The following RXRG variants were observed in gnomAD, a reference collection of about 807,000 sequenced individuals.
The protein encoded by RXRG is retinoid X receptor gamma, also known as retinoic acid receptor RXR-gamma.
RXRG carries 19 observed loss-of-function variants against 49.2 expected under a neutral mutation model. The observed-to-expected ratio is 0.39, with a 90% CI of 0.27 to 0.57. RXRG has a LOEUF of 0.57. Ranked by LOEUF, RXRG falls within the 20% of genes least tolerant of loss-of-function variation. The pLI, the probability that RXRG is intolerant of heterozygous loss-of-function variation, is 0.64. For missense variants in RXRG, 452 were observed against 592.5 expected, an observed-to-expected ratio of 0.76 and a Z score of 2.46; for synonymous variants, 224 against 216.6, an observed-to-expected ratio of 1.03 and a Z score of -0.30.
chr1:165,422,992 C>T (rs767451126), intron 2 of RXRG, among the ~76,000 whole-genome samples: 3 of 152,232 alleles, frequency 2.0e-5, no homozygotes, highest in African/African-American at 4.8e-5. Context: ...GCCAGGAGCC[C>T]CTGCAGGAGC....
At chr1:165,423,447 A>C (rs1345753301) in intron 2 of RXRG, among the ~76,000 whole-genome samples, 2 of 152,210 alleles carry the variant, frequency 1.3e-5, no homozygotes, top group Admixed American at 6.5e-5. Flanking sequence ...CCATCCTTGA[A>C]CATTGAGTCC....
intron 1 of RXRG, among the ~76,000 whole-genome samples, chr1:165,431,206 G>A (rs1471509930): frequency 4.6e-5 from 7 of 152,142 alleles, no homozygotes; most frequent in Non-Finnish European, 1.0e-4. Flanking sequence ...TTGTTATCAA[G>A]GACAGCAAAG....
Position 165,420,652 on chromosome 1 carries a change from G to T in RXRG, c.298-638C>A, listed in dbSNP as rs567795796. 5.9e-5 allele frequency among the ~76,000 whole-genome samples: 9 copies of T among 152,304 alleles called. No individual in the cohort carries two copies. In the South Asian group the frequency reaches 1.7e-3, roughly 28 times the overall value. On this transcript the variant is annotated intron_variant, in intron 2 of 9. Transcript: ENST00000359842. ...TGCTAACTCGAATACATCCCTTATT[G>T]TAAGTTAATATCAGCTCCCCATCAC... is the stretch of plus-strand genomic sequence containing the variant.
intron 9 of RXRG, among the ~76,000 whole-genome samples, chr1:165,403,066 C>T (rs1557907673): frequency 1.3e-5 from 2 of 152,194 alleles, no homozygotes; most frequent in Non-Finnish European, 2.9e-5. Flanking sequence ...TACACACCCT[C>T]ACACACATTT....
chr1:165,407,597 C>T (rs1657795693), intron 8 of RXRG, among the ~76,000 whole-genome samples: 1 of 152,208 alleles, frequency 6.6e-6, no homozygotes, highest in Non-Finnish European at 1.5e-5. Flanking sequence ...GATCTCACCC[C>T]AGTGTCACAG....
chr1:165,416,924 A>T, intron 4 of RXRG, 117 bp downstream of exon 4: 1 of 978,348 alleles, frequency 1.0e-6, no homozygotes, highest in Non-Finnish European at 1.5e-6. Flanking sequence ...AAGAAATTTG[A>T]AGTGGAGATT....
intron 6 of RXRG, among the ~76,000 whole-genome samples, chr1:165,410,480 T>G (rs1377382304): frequency 6.6e-6 from 1 of 152,212 alleles, no homozygotes; most frequent in Non-Finnish European, 1.5e-5. Flanking sequence ...TTTTTAAAAT[T>G]TATGCAAATT....
chr1:165,408,473 A>G (rs1167043613), intron 7 of RXRG, among the ~76,000 whole-genome samples, 155 bp from the exon 8 acceptor site: 3 of 152,218 alleles, frequency 2.0e-5, no homozygotes, highest in African/African-American at 7.2e-5. Flanking sequence ...GCAACCCCTC[A>G]TTGCAAGGAG....
intron 2 of RXRG, among the ~76,000 whole-genome samples, chr1:165,421,517 G>A (rs10918177): frequency 0.44 from 64,184 of 147,546 alleles, 15,017 homozygotes; most frequent in South Asian, 0.57. Flanking sequence ...TAGGGCCTTG[G>A]CTCTGGCATT....
chr1:165,441,747 G>T (rs552904469), intron 1 of RXRG, among the ~76,000 whole-genome samples: 60 of 152,278 alleles, frequency 3.9e-4, no homozygotes, highest in African/African-American at 1.4e-3. Context: ...TACAGGCTTT[G>T]TTTTGCCATC....
intron 1 of RXRG, 122 bp from the exon 2 acceptor site, chr1:165,429,088 A>G: frequency 9.4e-7 from 1 of 1,067,882 alleles, no homozygotes; most frequent in Non-Finnish European, 1.3e-6. Flanking sequence ...ACACCTACAC[A>G]CCTGTAAGCC....
chr1:165,444,169 C>A (rs1659086529), intron 1 of RXRG, among the ~76,000 whole-genome samples: 1 of 152,136 alleles, frequency 6.6e-6, no homozygotes, highest in Non-Finnish European at 1.5e-5. Flanking sequence ...CTAAGAGCCC[C>A]AACCCCCCAT....
chr1:165,428,704 A>G lies in RXRG; in HGVS notation c.297+15T>C. ...TAAGATGGCTGGAAAGGCCTTGGAGAGGAAGAACACTTACCTGAGAGCTGG... is the reference window on the plus strand; with the variant it reads ...TAAGATGGCTGGAAAGGCCTTGGAGGGGAAGAACACTTACCTGAGAGCTGG... On this transcript the variant is annotated intron_variant, in intron 2 of 9. Transcript: ENST00000359842. The G allele has an allele frequency of 6.4e-7, 1 of 1,570,472 alleles. No individual in the cohort carries two copies. The highest frequency in any genetic ancestry group is 1.2e-5 in the South Asian group (1 of 84,456).
chr1:165,433,217 G>A (rs544143594), intron 1 of RXRG, among the ~76,000 whole-genome samples: 3 of 152,174 alleles, frequency 2.0e-5, no homozygotes, highest in South Asian at 2.1e-4. Context: ...CACCAGACAC[G>A]AACCCGCTCG....
At chr1:165,438,572 T>C (rs143859351) in intron 1 of RXRG, among the ~76,000 whole-genome samples, 2 of 152,334 alleles carry the variant, frequency 1.3e-5, no homozygotes, top group East Asian at 3.9e-4. Context: ...TGGAAATAAA[T>C]AGCACATATT....
chr1:165,423,974 A>AG (rs1658403889), intron 2 of RXRG, among the ~76,000 whole-genome samples: 1 of 152,226 alleles, frequency 6.6e-6, no homozygotes, highest in African/African-American at 2.4e-5. Context: ...AGCAGAAATT[A>AG]GCAATGATAG....
intron 1 of RXRG, among the ~76,000 whole-genome samples, chr1:165,433,609 G>A (rs1475545773): frequency 6.6e-6 from 1 of 152,230 alleles, no homozygotes; most frequent in Admixed American, 6.5e-5. Flanking sequence ...CCCAAGAATA[G>A]CATTGCATAC....
intron 1 of RXRG, among the ~76,000 whole-genome samples, chr1:165,439,729 A>C (rs1399435998): frequency 6.6e-6 from 1 of 152,176 alleles, no homozygotes; most frequent in African/African-American, 2.4e-5. Flanking sequence ...CTCCCCATTC[A>C]CTGGAAATTT....
chr1:165,407,509 T>A (rs1657793490), intron 8 of RXRG, among the ~76,000 whole-genome samples: 1 of 152,122 alleles, frequency 6.6e-6, no homozygotes, highest in Admixed American at 6.5e-5. Context: ...TGGCTCTCCC[T>A]TTTTTACCTG....
Sources: allele counts gnomAD v4.1 joint callset (sites outside exome capture counted in the v4.1 genomes callset), GRCh38; gene constraint gnomAD v4.1.1; transcripts MANE v1.5; gene names NCBI Gene and HGNC (gene_info 2026-07-23, HGNC 2026-07-21).